The following GUCY1A2 variants were observed in gnomAD, a reference collection of about 807,000 sequenced individuals.
The protein encoded by GUCY1A2 is guanylate cyclase 1 soluble subunit alpha 2, also known as guanylate cyclase soluble subunit alpha-2.
Under a neutral mutation model 63.5 loss-of-function variants are expected in GUCY1A2, and 27 were observed. That is an observed-to-expected ratio of 0.43 (90% confidence interval 0.31 to 0.59). GUCY1A2 has a LOEUF of 0.59. Ranked by LOEUF, GUCY1A2 falls within the 20% of genes least tolerant of loss-of-function variation. The pLI is 0.11. For synonymous variants in GUCY1A2, 364 were observed against 343.5 expected (o/e 1.06, Z -0.66); for missense variants, 768 against 913.3 (o/e 0.84, Z 2.05).
At chr11:106,767,808 A>C (rs17106053) in intron 6 of GUCY1A2, among the ~76,000 whole-genome samples, 6,829 of 152,188 alleles carry the variant, frequency 0.045, 458 homozygotes, top group African/African-American at 0.14. Context: ...TCTGTCTATA[A>C]ATAAATTTGT....
chr11:106,843,007 C>G (rs1201428606), intron 4 of GUCY1A2, among the ~76,000 whole-genome samples: 1 of 151,752 alleles, frequency 6.6e-6, no homozygotes, highest in Non-Finnish European at 1.5e-5. Context: ...ATTATGATTC[C>G]AAGTAAGAGT....
intron 1 of GUCY1A2, among the ~76,000 whole-genome samples, chr11:107,013,292 C>A (rs764737883): frequency 5.3e-5 from 8 of 152,082 alleles, no homozygotes. Context: ...GAAGCCTTGC[C>A]CTTATATGAC....
chr11:106,704,599 C>A (rs1292248646), intron 7 of GUCY1A2, among the ~76,000 whole-genome samples: 1 of 152,110 alleles, frequency 6.6e-6, no homozygotes, highest in Non-Finnish European at 1.5e-5. Flanking sequence ...TCTAAAACAT[C>A]TGGAAGTAGA....
intron 5 of GUCY1A2, among the ~76,000 whole-genome samples, chr11:106,784,096 A>T (rs1377684682): frequency 6.6e-6 from 1 of 151,904 alleles, no homozygotes; most frequent in Non-Finnish European, 1.5e-5. Flanking sequence ...ATATCACTTC[A>T]TCAACTCTTC....
chr11:106,834,256 T>G (rs2135438826), intron 4 of GUCY1A2, among the ~76,000 whole-genome samples: 1 of 152,164 alleles, frequency 6.6e-6, no homozygotes, highest in African/African-American at 2.4e-5. Context: ...TACTATTTGC[T>G]TCTATGTATT....
chr11:106,782,853 G>C (rs1864490139), intron 5 of GUCY1A2, among the ~76,000 whole-genome samples: 1 of 152,186 alleles, frequency 6.6e-6, no homozygotes, highest in South Asian at 2.1e-4. Flanking sequence ...GGTACATTAA[G>C]AGGCCCTCTA....
intron 4 of GUCY1A2, among the ~76,000 whole-genome samples, chr11:106,850,680 G>T (rs560247213): frequency 6.6e-6 from 1 of 151,628 alleles, no homozygotes; most frequent in Middle Eastern, 3.2e-3. Flanking sequence ...CAAATGACAC[G>T]GATGCATTCT....
intron 3 of GUCY1A2, 113 bp downstream of exon 3, chr11:106,978,506 T>C (rs781118202): frequency 1.6e-6 from 1 of 643,890 alleles, no homozygotes; most frequent in Non-Finnish European, 2.5e-6. Flanking sequence ...GGTCTGGGTC[T>C]CAACTTGCCA....
At position 106,787,171 on chromosome 11, in the gene GUCY1A2, CTT is replaced by C. The variant is rs200507903; in HGVS notation, c.1693-10591_1693-10590del. 3.0e-3 allele frequency among the ~76,000 whole-genome samples: 451 copies of C among 151,298 alleles called. 4 individuals carry two copies. Among genetic ancestry groups the C allele is most frequent in the African/African-American group, 0.01 (416 of 41,304 alleles). ...AGTATATATTATATATAATTATACT[CTT>C]AGTTATTTTTAAATGTACAATTAAA... On this transcript the variant is annotated intron_variant, in intron 5 of 7. Coordinates refer to ENST00000526355, the MANE Select transcript of GUCY1A2 (RefSeq NM_000855.3).
chr11:107,016,190 A>G (rs1048181730), intron 1 of GUCY1A2, among the ~76,000 whole-genome samples: 1 of 152,226 alleles, frequency 6.6e-6, no homozygotes, highest in Non-Finnish European at 1.5e-5. Context: ...GAGAGACTCA[A>G]CAGTAATCAA....
intron 4 of GUCY1A2, among the ~76,000 whole-genome samples, chr11:106,839,447 G>A (rs1382229562): frequency 2.6e-5 from 4 of 152,040 alleles, no homozygotes; most frequent in Non-Finnish European, 5.9e-5. Context: ...GGAAGACAGT[G>A]TGGCAATTCC....
At chr11:106,875,722 C>G (rs928109131) in intron 4 of GUCY1A2, among the ~76,000 whole-genome samples, 1 of 152,034 alleles carries the variant, frequency 6.6e-6, no homozygotes, top group South Asian at 2.1e-4. Flanking sequence ...AAATGACCAT[C>G]AATTAGAGTT....
chr11:106,987,644 C>T (rs1861419118), intron 1 of GUCY1A2, among the ~76,000 whole-genome samples: 1 of 140,050 alleles, frequency 7.1e-6, no homozygotes, highest in South Asian at 2.5e-4. Context: ...CTGAGTGAGA[C>T]TCTGCCTCAA....
Position 106,939,727 on chromosome 11 carries a change from AG to A in GUCY1A2, c.938del (p.Pro313LeufsTer19). 1 of 1,613,830 alleles carries A rather than the reference AG, an allele frequency of 6.2e-7. No individual in the cohort carries two copies. Among genetic ancestry groups the A allele is most frequent in the Non-Finnish European group, 8.5e-7 (1 of 1,179,696 alleles). ...KNLPQGTSQVPADLRISINTF... is the reference protein window; with the variant it reads ...KNLPQGTSQVXADLRISINTF... Reference sequence around the variant, plus strand: ...TGTTGATGCTAATTCTGAGGTCCGCAGGAACTTGGGAGGTTCCCTGTGGAAG... The same window carrying A: ...TGTTGATGCTAATTCTGAGGTCCGCAGAACTTGGGAGGTTCCCTGTGGAAG... On this transcript the variant is annotated frameshift_variant, in exon 4 of 8. Coordinates refer to ENST00000526355, the MANE Select transcript of GUCY1A2 (RefSeq NM_000855.3). LOFTEE classifies it high-confidence loss of function.
intron 4 of GUCY1A2, chr11:106,827,938 G>A (rs1205396939): frequency 1.8e-6 from 2 of 1,130,090 alleles, no homozygotes; most frequent in East Asian, 2.5e-5. Context: ...GGAACAGCGA[G>A]ACTCTGGACT....
At chr11:106,781,559 C>T (rs181610997) in intron 5 of GUCY1A2, among the ~76,000 whole-genome samples, 7 of 151,952 alleles carry the variant, frequency 4.6e-5, no homozygotes, top group African/African-American at 1.7e-4. Flanking sequence ...GCTATGCATT[C>T]ACCTTGTTTT....
intron 3 of GUCY1A2, among the ~76,000 whole-genome samples, chr11:106,960,248 C>T (rs577946733): frequency 3.3e-5 from 5 of 151,852 alleles, no homozygotes; most frequent in South Asian, 2.1e-4. Context: ...TTTTAAATCT[C>T]AGGTATGGGC....
At position 106,864,966 on chromosome 11, in the gene GUCY1A2, G is replaced by A. The variant is rs556600843; in HGVS notation, c.1207-54488C>T. On this transcript the variant is annotated intron_variant, in intron 4 of 7. Transcript: ENST00000526355. ...AGGAAGGAGTCCTTCTTTTTCTACC[G>A]TTTGGAATGAATTTCAGAAGGAATG... 2.9e-4 allele frequency among the ~76,000 whole-genome samples: 44 copies of A among 152,098 alleles called. 1 individual carries two copies. In the South Asian group the frequency reaches 4.6e-3, roughly 16 times the overall value.
chr11:106,750,418 C>T (rs1863862850), intron 6 of GUCY1A2, among the ~76,000 whole-genome samples: 1 of 152,072 alleles, frequency 6.6e-6, no homozygotes, highest in Non-Finnish European at 1.5e-5. Flanking sequence ...AGAAACAATG[C>T]TTCACCAGCC....
Sources: gnomAD v4.1 joint callset for allele counts (sites outside exome capture counted in the v4.1 genomes callset) on GRCh38, gnomAD v4.1.1 for gene constraint, MANE v1.5 for transcripts, NCBI Gene and HGNC (gene_info 2026-07-23, HGNC 2026-07-21) for gene names.